The following ANK3 variants were observed in gnomAD, a reference collection of about 807,000 sequenced individuals.
ANK3 encodes the protein ankyrin 3.
A neutral mutation model predicts 370.9 loss-of-function variants in ANK3; 57 were observed. The ratio of observed to expected loss-of-function variants is 0.15; its 90% CI spans 0.12 to 0.19. The LOEUF (loss-of-function observed/expected upper bound fraction) is 0.19, where lower values mean the gene tolerates loss of function less well. ANK3 is among the 10% of genes least tolerant of loss of function. ANK3 has a pLI of 1.00. For missense variants in ANK3, 4,439 were observed against 5,302.1 expected, an observed-to-expected ratio of 0.84 and a Z score of 5.06; for synonymous variants, 1,929 against 1,946.3, an observed-to-expected ratio of 0.99 and a Z score of 0.23.
intron 1 of ANK3, among the ~76,000 whole-genome samples, chr10:60,692,891 CA>C (rs1226473926): frequency 2.0e-5 from 3 of 151,446 alleles, no homozygotes; most frequent in Non-Finnish European, 4.4e-5. Context: ...ATGACACTTA[CA>C]AAAAACAAAA....
At chr10:60,656,937 GTTTTTTGTT>G (rs149866696) in intron 1 of ANK3, among the ~76,000 whole-genome samples, 7,320 of 151,958 alleles carry the variant, frequency 0.048, 242 homozygotes, top group African/African-American at 0.093. Flanking sequence ...GTTGTTGGTG[GTTTTTTGTT>G]TTTTGTTTTA....
chr10:60,283,875 C>A (rs2098202967), intron 1 of ANK3, among the ~76,000 whole-genome samples: 1 of 152,026 alleles, frequency 6.6e-6, no homozygotes, highest in Admixed American at 6.6e-5. Flanking sequence ...TTATATTATT[C>A]ATCACTTAAT....
chr10:60,520,542 T>C (rs903901711), intron 2 of ANK3, among the ~76,000 whole-genome samples: 5 of 152,182 alleles, frequency 3.3e-5, no homozygotes, highest in Non-Finnish European at 7.4e-5. Context: ...AATATGGCGA[T>C]GAAAAAGTTA....
intron 42 of ANK3, chr10:60,043,095 C>G: frequency 5.7e-6 from 6 of 1,043,694 alleles, no homozygotes; most frequent in Non-Finnish European, 5.8e-6. Context: ...GAATTGTAAA[C>G]AATCTGTTGC....
At chr10:60,645,762 G>A (rs1383166872) in intron 1 of ANK3, among the ~76,000 whole-genome samples, 3 of 151,058 alleles carry the variant, frequency 2.0e-5, no homozygotes, top group Non-Finnish European at 4.4e-5. Flanking sequence ...AAAAAAAAAT[G>A]TTTCTGAAGT....
chr10:60,646,582 A>T (rs1396588424), intron 1 of ANK3, among the ~76,000 whole-genome samples: 1 of 152,142 alleles, frequency 6.6e-6, no homozygotes, highest in Non-Finnish European at 1.5e-5. Flanking sequence ...ATCCAGTTCC[A>T]GGCTCAGGGC....
Position 60,658,512 on chromosome 10 carries a change from T to C in ANK3, c.58-43288A>G, listed in dbSNP as rs74155644. Among the ~76,000 whole-genome samples the C allele has an allele frequency of 9.2e-3, 1,393 of 152,238 alleles. 15 individuals are homozygous for C. The highest frequency in any genetic ancestry group is 0.031 in the African/African-American group (1,284 of 41,574). ...TCCTTAGAACTATTATTGTCATTTA[T>C]GTTATATTTATATATATTATAAACC... On this transcript the variant is annotated intron_variant, in intron 1 of 43. Coordinates refer to the ANK3 transcript ENST00000373827.
intron 1 of ANK3, among the ~76,000 whole-genome samples, chr10:60,717,808 G>A (rs1297578763): frequency 1.3e-5 from 2 of 152,218 alleles, no homozygotes; most frequent in Non-Finnish European, 2.9e-5. Flanking sequence ...CCAAATTGGT[G>A]AGATTTGCAT....
chr10:60,645,427 T>C (rs1295629069), intron 1 of ANK3, among the ~76,000 whole-genome samples: 1 of 152,040 alleles, frequency 6.6e-6, no homozygotes, highest in Non-Finnish European at 1.5e-5. Context: ...AAGCTAAGCT[T>C]TAGAAAATAG....
intron 16 of ANK3, among the ~76,000 whole-genome samples, chr10:60,192,994 C>G (rs992519649): frequency 4.6e-5 from 7 of 151,344 alleles, no homozygotes; most frequent in African/African-American, 1.7e-4. Flanking sequence ...GCAGATAAAG[C>G]CAATACCTAA....
intron 2 of ANK3, among the ~76,000 whole-genome samples, chr10:60,399,710 C>T (rs977045030): frequency 1.4e-4 from 21 of 152,302 alleles, no homozygotes; most frequent in African/African-American, 4.6e-4. Flanking sequence ...ACTCCGTACA[C>T]TTAGCCATCA....
chr10:60,552,739 T>C (rs949381892), intron 2 of ANK3, among the ~76,000 whole-genome samples: 3 of 152,230 alleles, frequency 2.0e-5, no homozygotes, highest in Non-Finnish European at 2.9e-5. Flanking sequence ...TTGTGGTTGA[T>C]ACGGCTTGGC....
chr10:60,432,509 A>T (rs1167803452), intron 2 of ANK3, among the ~76,000 whole-genome samples: 1 of 152,220 alleles, frequency 6.6e-6, no homozygotes, highest in African/African-American at 2.4e-5. Flanking sequence ...ATAAAGGTAA[A>T]CATCCTTATT....
intron 1 of ANK3, among the ~76,000 whole-genome samples, chr10:60,321,302 C>T (rs979066647): frequency 1.4e-4 from 21 of 151,610 alleles, no homozygotes; most frequent in African/African-American, 5.1e-4. Context: ...GTTGGAGGAT[C>T]ACTTGAACTT....
rs781269013 is a variant in ANK3, at chr10:60,075,755, C to A, written c.5126G>T (p.Gly1709Val). 6.2e-7 allele frequency: 1 copy of A among 1,614,098 alleles called. No individual in the cohort carries two copies. Among genetic ancestry groups the A allele is most frequent in the Non-Finnish European group, 8.5e-7 (1 of 1,180,004 alleles). ...ATTGACTAATGCTACCTCTGCATGT[C>A]CAGGCATCTGCTTCACAGGTGATGA... ...SLSSPVKQMPGHAEVALVNGS... is the reference protein window; with the variant it reads ...SLSSPVKQMPVHAEVALVNGS... The change falls in exon 37 of 44, where the codon GGA becomes GTA. Residue 1709 changes from glycine (G) to valine (V), a missense_variant. This residue lies in a region of ANK3 where 679 missense variants were observed against 791.0 expected (regional missense o/e 0.86). Coordinates refer to ENST00000280772, the MANE Select transcript of ANK3 (RefSeq NM_020987.5).
chr10:60,641,258 T>C (rs1443592216), intron 1 of ANK3, among the ~76,000 whole-genome samples: 1 of 149,684 alleles, frequency 6.7e-6, no homozygotes, highest in Non-Finnish European at 1.5e-5. Flanking sequence ...AATGACTTTC[T>C]TCACAGAATT....
chr10:60,187,031 A>T (rs2096356446), intron 16 of ANK3, 119 bp from the exon 17 acceptor site: 1 of 977,650 alleles, frequency 1.0e-6, no homozygotes. Context: ...AGAAATCATG[A>T]TTAAGTAAGC....
intron 1 of ANK3, among the ~76,000 whole-genome samples, chr10:60,323,439 G>T (rs2049108076): frequency 6.6e-6 from 1 of 152,158 alleles, no homozygotes; most frequent in Non-Finnish European, 1.5e-5. Context: ...AGGCCAAAAT[G>T]CATGGGAATT....
chr10:60,408,208 T>C (rs1457984366), intron 2 of ANK3, among the ~76,000 whole-genome samples: 2 of 152,220 alleles, frequency 1.3e-5, no homozygotes, highest in Non-Finnish European at 2.9e-5. Flanking sequence ...TCTCTGTCAC[T>C]GTGGTATACT....
Sources: allele counts gnomAD v4.1 joint callset (sites outside exome capture counted in the v4.1 genomes callset), GRCh38; gene constraint gnomAD v4.1.1; regional missense constraint gnomAD v4.1.1; transcripts MANE v1.5; gene names NCBI Gene and HGNC (gene_info 2026-07-23, HGNC 2026-07-21).